Variants in RPIA observed in about 807,000 individuals in gnomAD.
RPIA encodes the protein ribose-5-phosphate isomerase.
RPIA carries 29 observed loss-of-function variants against 37.8 expected under a neutral mutation model. That is an observed-to-expected ratio of 0.77 (90% CI 0.57 to 1.05). The LOEUF is 1.05. Among genes scored for constraint, RPIA ranks in the 50% least tolerant of loss-of-function variants. RPIA has a pLI of 0.00. For missense variants in RPIA, 385 were observed against 413.6 expected, an observed-to-expected ratio of 0.93 and a Z score of 0.60; for synonymous variants, 167 against 157.0, an observed-to-expected ratio of 1.06 and a Z score of -0.48.
chr2:88,699,446 A>G (rs1051476499), intron 2 of RPIA, among the ~76,000 whole-genome samples: 24 of 152,052 alleles, frequency 1.6e-4, no homozygotes, highest in Non-Finnish European at 3.1e-4. Flanking sequence ...TACAAATCCA[A>G]ATTGAAAAAA....
chr2:88,719,964 C>T (rs1012164588), intron 3 of RPIA, among the ~76,000 whole-genome samples: 2 of 152,158 alleles, frequency 1.3e-5, no homozygotes, highest in Non-Finnish European at 2.9e-5. Context: ...TTGGCCCTTA[C>T]AATCTCACAC....
At chr2:88,711,373 G>A (rs1294576956) in intron 3 of RPIA, among the ~76,000 whole-genome samples, 1 of 152,230 alleles carries the variant, frequency 6.6e-6, no homozygotes, top group Admixed American at 6.5e-5. Flanking sequence ...ACAACTTGAA[G>A]CTCCAGGGCA....
Position 88,713,151 on chromosome 2 carries a change from GC to G in RPIA, c.402+13089del, listed in dbSNP as rs1174523482. On this transcript the variant is annotated intron_variant, in intron 3 of 8. Coordinates refer to ENST00000283646, the MANE Select transcript of RPIA (RefSeq NM_144563.3). ...TTTTTTTTTTTCAAGCTACGAGTAG[GC>G]CTTTTTTTTTTTTTTTTTTTTTTTT... Among the ~76,000 whole-genome samples, 475 of 79,082 alleles carry G rather than the reference GC, an allele frequency of 6.0e-3. 11 individuals are homozygous for G. The highest frequency in any genetic ancestry group is 0.013 in the African/African-American group (226 of 17,940). The allele number at this position is 79,082 out of a possible 152,430, so 51.9% of individuals were successfully genotyped here.
intron 8 of RPIA, among the ~76,000 whole-genome samples, chr2:88,743,172 G>A (rs1218051192): frequency 6.6e-6 from 1 of 152,084 alleles, no homozygotes; most frequent in Non-Finnish European, 1.5e-5. Context: ...CTGGCTGTAG[G>A]TTTGTCATAG....
intron 5 of RPIA, 41 bp downstream of exon 5, chr2:88,734,657 A>G (rs373197917): frequency 1.9e-6 from 3 of 1,598,832 alleles, no homozygotes; most frequent in Non-Finnish European, 2.6e-6. Context: ...AGTATCTGCC[A>G]GTTAATCCTT....
Position 88,694,990 on chromosome 2 carries a change from A to AAAAAAAG in RPIA, c.285+3012_285+3013insAGAAAAA, listed in dbSNP as rs1553418580. Among the ~76,000 whole-genome samples, 168 of 151,446 alleles carry AAAAAAAG rather than the reference A, an allele frequency of 1.1e-3. 1 individual carries two copies. The highest frequency in any genetic ancestry group is 5.8e-3 in the South Asian group (28 of 4,804). On this transcript the variant is annotated intron_variant, in intron 1 of 8. Transcript: ENST00000283646. ...ATTCAATAAAGTCTCAAAAAAAAAA[A>AAAAAAAG]AAAAAGAAAAAGAAAAAGAAAAGCT...
rs1428766908 is a variant in RPIA at position 88,691,752 on chromosome 2, G to GC, written c.57dup (p.Gly20ArgfsTer78). On this transcript the variant is annotated frameshift_variant, in exon 1 of 9. Transcript: ENST00000283646. LOFTEE classifies it high-confidence loss of function. ...TCTACGGGCGGGTCTTGGCCCCGCT[G>GC]CCCGGGAGGGCCGGGGGCGCGGCCT... The GC allele has an allele frequency of 1.3e-6, 2 of 1,594,824 alleles. No homozygotes were observed. Among genetic ancestry groups the GC allele is most frequent in the East Asian group, 4.5e-5 (2 of 44,632 alleles).
At chr2:88,749,033 C>G (rs757768928) in intron 8 of RPIA, among the ~76,000 whole-genome samples, 2 of 152,162 alleles carry the variant, frequency 1.3e-5, no homozygotes, top group African/African-American at 2.4e-5. Flanking sequence ...CATACCCAGC[C>G]TCTATTCTAC....
chr2:88,698,642 T>C lies in RPIA; in HGVS notation c.346+98T>C, dbSNP rs140498191. ...GTGGCACACAGGTTTGGCATTGCCC[T>C]TTTGGCTTCAGCAGTACAGAGCTGG... On this transcript the variant is annotated intron_variant, in intron 2 of 8. Transcript: ENST00000283646. 2.3e-4 allele frequency: 252 copies of C among 1,111,998 alleles called. 2 individuals carry two copies. The East Asian group carries it at 5.0e-3, about 22-fold the overall frequency. 68.9% of individuals were successfully genotyped at this position (1,111,998 alleles called of 1,614,324 possible).
intron 3 of RPIA, among the ~76,000 whole-genome samples, chr2:88,700,657 A>C (rs954499746): frequency 4.0e-5 from 6 of 148,210 alleles, no homozygotes; most frequent in Non-Finnish European, 9.0e-5. Context: ...CTGTCTCAAG[A>C]AAAAAAAAAT....
chr2:88,692,994 C>A (rs572169535), intron 1 of RPIA, among the ~76,000 whole-genome samples: 1 of 152,144 alleles, frequency 6.6e-6, no homozygotes, highest in African/African-American at 2.4e-5. Flanking sequence ...CTACCCTGTT[C>A]TGGTGTAGCT....
intron 3 of RPIA, among the ~76,000 whole-genome samples, chr2:88,723,250 A>G (rs150986218): frequency 7.2e-5 from 11 of 152,262 alleles, no homozygotes; most frequent in East Asian, 1.9e-4. Context: ...GAAAACCCCA[A>G]TTCAACTACT....
At chr2:88,736,430 T>G in intron 6 of RPIA, 105 bp from the exon 7 acceptor site, 1 of 1,237,558 alleles carries the variant, frequency 8.1e-7, no homozygotes. Flanking sequence ...TTGATCACTT[T>G]CCTTGCCTTC....
At chr2:88,717,966 T>C (rs764676518) in intron 3 of RPIA, among the ~76,000 whole-genome samples, 3 of 152,198 alleles carry the variant, frequency 2.0e-5, no homozygotes, top group African/African-American at 4.8e-5. Context: ...AAGTGGCTTA[T>C]GTATGTAAAT....
In RPIA at chr2:88,695,414, G is replaced by C. The variant is rs142793578; in HGVS notation, c.286-3070G>C. ...GGAGGATACCCAGCTGGTGTCTGCT[G>C]CAGAGTAGATTGCTTGCTTGGGATA... On this transcript the variant is annotated intron_variant, in intron 1 of 8. Transcript: ENST00000283646. Among the ~76,000 whole-genome samples, 1,502 of 152,344 alleles carry C rather than the reference G, an allele frequency of 9.9e-3. 16 individuals carry two copies. The highest frequency in any genetic ancestry group is 0.027 in the Middle Eastern group (8 of 294).
At chr2:88,699,625 A>G (rs1026587426) in intron 2 of RPIA, among the ~76,000 whole-genome samples, 4 of 152,214 alleles carry the variant, frequency 2.6e-5, no homozygotes, top group African/African-American at 9.7e-5. Context: ...TAGCAGTATA[A>G]CTACCGAGTT....
At chr2:88,738,585 C>CTG (rs201535585) in intron 8 of RPIA, among the ~76,000 whole-genome samples, 6 of 151,908 alleles carry the variant, frequency 3.9e-5, no homozygotes, top group Non-Finnish European at 5.9e-5. Flanking sequence ...CTGGGGAAAT[C>CTG]TGTGTGTGTG....
chr2:88,724,640 T>TG (rs1275939455), intron 3 of RPIA, among the ~76,000 whole-genome samples: 1 of 152,148 alleles, frequency 6.6e-6, no homozygotes, highest in Non-Finnish European at 1.5e-5. Context: ...GCTTTTATTT[T>TG]GGGGTATCCT....
intron 8 of RPIA, among the ~76,000 whole-genome samples, chr2:88,745,149 G>C (rs1363442428): frequency 6.6e-6 from 1 of 151,988 alleles, no homozygotes; most frequent in African/African-American, 2.4e-5. Flanking sequence ...TAGTAGAGAC[G>C]GGGTTTCACC....
Sources: allele counts gnomAD v4.1 joint callset (sites outside exome capture counted in the v4.1 genomes callset), GRCh38; gene constraint gnomAD v4.1.1; transcripts MANE v1.5; gene names NCBI Gene and HGNC (gene_info 2026-07-23, HGNC 2026-07-21).